Variants in SCN3A observed in about 807,000 individuals in gnomAD.
SCN3A encodes the protein sodium channel protein type 3 subunit alpha.
In SCN3A, 60 loss-of-function variants were observed where a neutral mutation model predicts 187.6. The ratio of observed to expected loss-of-function variants is 0.32; its 90% CI spans 0.26 to 0.40. The LOEUF is 0.40. Ranked by LOEUF, SCN3A falls within the 10% of genes least tolerant of loss-of-function variation. The probability of loss-of-function intolerance (pLI) is 1.00; values close to 1 mark genes in which losing one functional copy is unlikely to be tolerated. For synonymous variants in SCN3A, 788 were observed against 829.2 expected, an observed-to-expected ratio of 0.95 and a Z score of 0.85; for missense variants, 1,601 against 2,428.2, an observed-to-expected ratio of 0.66 and a Z score of 7.16.
chr2:165,172,033 C>A (rs62176177), intron 3 of SCN3A, among the ~76,000 whole-genome samples: 15,693 of 152,116 alleles, frequency 0.1, 934 homozygotes, highest in African/African-American at 0.13. Context: ...TTTATGTTCA[C>A]TGACAACATG....
intron 6 of SCN3A, 69 bp from the exon 7 acceptor site, chr2:165,163,778 T>G (rs563404693): frequency 1.2e-6 from 2 of 1,612,948 alleles, no homozygotes; most frequent in East Asian, 2.2e-5. Flanking sequence ...AGGGGCCTAC[T>G]ACCTTACACC....
intron 1 of SCN3A, among the ~76,000 whole-genome samples, chr2:165,188,959 G>A (rs964761017): frequency 6.6e-6 from 1 of 152,070 alleles, no homozygotes; most frequent in Non-Finnish European, 1.5e-5. Flanking sequence ...TTTTGTGCAA[G>A]CGATGCATGG....
chr2:165,194,376 G>A (rs1380820710), intron 1 of SCN3A, among the ~76,000 whole-genome samples: 1 of 152,126 alleles, frequency 6.6e-6, no homozygotes, highest in Non-Finnish European at 1.5e-5. Flanking sequence ...TCCCTTCTGA[G>A]AGAAACTTCT....
At chr2:165,174,282 C>T (rs893625905) in intron 3 of SCN3A, among the ~76,000 whole-genome samples, 2 of 150,388 alleles carry the variant, frequency 1.3e-5, no homozygotes, top group South Asian at 2.1e-4. Context: ...GTAATGAGCA[C>T]GTTCTTTTCT....
At chr2:165,115,725 T>G (rs2105718281) in intron 18 of SCN3A, 150 bp from the exon 19 acceptor site, 1 of 813,830 alleles carries the variant, frequency 1.2e-6, no homozygotes, top group East Asian at 2.6e-5. Flanking sequence ...TAATTTAACA[T>G]AAATCAAGTT....
chr2:165,199,870 A>C (rs1251077468), intron 1 of SCN3A, among the ~76,000 whole-genome samples: 1 of 152,098 alleles, frequency 6.6e-6, no homozygotes, highest in Non-Finnish European at 1.5e-5. Context: ...ATTAAAATAT[A>C]AACAAAGAAT....
At chr2:165,125,315 T>G (rs968058331) in intron 18 of SCN3A, among the ~76,000 whole-genome samples, 1 of 152,140 alleles carries the variant, frequency 6.6e-6, no homozygotes, top group African/African-American at 2.4e-5. Flanking sequence ...AAACTTTTTT[T>G]TTTTTTGAGA....
In SCN3A at chr2:165,130,232, T is replaced by A. The variant is rs547287080; in HGVS notation, c.2630A>T (p.Asn877Ile). ...GAGGTTTCCTAGAGCCCCCACAGAA[T>A]TGCCAATGATCTTAATTAGCATATT... ...TLNMLIKIIG[N>I]SVGALGNLTL... Residue 877 changes from asparagine (N) to isoleucine (I), a missense_variant, in exon 17 of 28, where the codon AAT becomes ATT. Physicochemically the swap from Asn to Ile is moderately radical, Grantham distance 149 (BLOSUM62 -3). Around this residue, in one of 11 missense-constraint regions of SCN3A, gnomAD observed 91 missense variants for 207.0 expected, o/e 0.44. Coordinates refer to ENST00000283254, the MANE Select transcript of SCN3A (RefSeq NM_006922.4). 6.2e-7 allele frequency: 1 copy of A among 1,614,188 alleles called. No homozygotes were observed. The highest frequency in any genetic ancestry group is 1.3e-5 in the African/African-American group (1 of 75,050).
In SCN3A at chr2:165,138,463, ATT is replaced by A. The variant is rs1336066879; in HGVS notation, c.2153-348_2153-347del. Among the ~76,000 whole-genome samples, 32 of 152,270 alleles carry A rather than the reference ATT, an allele frequency of 2.1e-4. No individual in the cohort carries two copies. In the East Asian group the frequency reaches 6.2e-3, roughly 29 times the overall value. ...ACAACTATTAAAATTTTAAATAATTATTGTTTCTTCTGAAAGTACCTTTTTAA... is the reference window on the plus strand; with the variant it reads ...ACAACTATTAAAATTTTAAATAATTAGTTTCTTCTGAAAGTACCTTTTTAA... On this transcript the variant is annotated intron_variant, in intron 14 of 27. Coordinates refer to ENST00000283254, the MANE Select transcript of SCN3A (RefSeq NM_006922.4).
intron 1 of SCN3A, among the ~76,000 whole-genome samples, chr2:165,192,905 C>G (rs895808341): frequency 1.3e-5 from 2 of 152,120 alleles, no homozygotes; most frequent in African/African-American, 4.8e-5. Context: ...ACAAATCTTG[C>G]AAACATTCTG....
intron 21 of SCN3A, among the ~76,000 whole-genome samples, chr2:165,105,774 G>A (rs534936551): frequency 6.6e-6 from 1 of 152,102 alleles, no homozygotes; most frequent in African/African-American, 2.4e-5. Flanking sequence ...TGAAGCAGGA[G>A]GGTTGCTTGA....
rs765919309 is a variant in SCN3A at position 165,090,379 on chromosome 2, C to T, written c.5774G>A (p.Ser1925Asn). The change falls in exon 28 of 28, where the codon AGT (serine) becomes AAT (asparagine). Residue 1925 changes from serine to asparagine, a missense_variant. Ser to Asn is a conservative substitution (Grantham distance 46). Transcript: ENST00000283254. The surrounding 1 kb of genome is among the most constrained non-coding windows in gnomAD (Gnocchi z 4.0). ...TTTAATTGCCTCTTTGTTATAGTTACTTGATATATTTTTTAACCTTTGCTT... is the reference window on the plus strand; with the variant it reads ...TTTAATTGCCTCTTTGTTATAGTTATTTGATATATTTTTTAACCTTTGCTT... ...LLKQRLKNIS[S>N]NYNKEAIKGR... is the part of the protein sequence containing the mutation. The T allele has an allele frequency of 1.2e-6, 2 of 1,612,930 alleles. No homozygotes were observed. Among genetic ancestry groups the T allele is most frequent in the Admixed American group, 3.3e-5 (2 of 59,932 alleles).
chr2:165,142,054 C>G (rs1424130642), intron 12 of SCN3A, among the ~76,000 whole-genome samples: 1 of 152,158 alleles, frequency 6.6e-6, no homozygotes, highest in African/African-American at 2.4e-5. Flanking sequence ...AAAAACATCT[C>G]TATTCAGTCT....
In SCN3A at chr2:165,089,906, T is replaced by C. The variant is rs13395432; in HGVS notation, c.*244A>G. Reference sequence around the variant, plus strand: ...CTATCCCTATAGTCTAGGTAGCCATTGGGTTTCTCCTCAGCAGTGTCAGCT... The same window carrying C: ...CTATCCCTATAGTCTAGGTAGCCATCGGGTTTCTCCTCAGCAGTGTCAGCT... On this transcript the variant is annotated 3_prime_UTR_variant, in exon 28 of 28. Transcript: ENST00000283254. 1.9e-6 allele frequency: 1 copy of C among 529,538 alleles called. No individual in the cohort carries two copies. The highest frequency in any genetic ancestry group is 2.2e-5 in the South Asian group (1 of 45,608). The allele number at this position is 529,538 out of a possible 1,614,324, so 32.8% of individuals were successfully genotyped here. A position where few individuals can be genotyped will look rare whatever the true frequency, so the allele number is the denominator to read the frequency against.
At position 165,092,894 on chromosome 2, in the gene SCN3A, TA is replaced by T. The variant is rs34824100; in HGVS notation, c.4537-371del. On this transcript the variant is annotated intron_variant, in intron 26 of 27. Transcript: ENST00000283254. This position sits in a 1 kb window ranked among gnomAD's most constrained non-coding sequence, Gnocchi z 4.2. ...CAACATAGTGAGACCTCATTTCTAT[TA>T]AAAAAAAATTAGCCTGGTATGGTGG... is the stretch of plus-strand genomic sequence containing the variant. 1.4e-4 allele frequency: 25 copies of T among 183,262 alleles called. No individual in the cohort carries two copies. Among genetic ancestry groups the T allele is most frequent in the South Asian group, 5.2e-4 (5 of 9,556 alleles). 11.4% of individuals were successfully genotyped at this position (183,262 alleles called of 1,614,324 possible). A position where few individuals can be genotyped will look rare whatever the true frequency, so the allele number is the denominator to read the frequency against.
At chr2:165,147,287 G>C (rs910587063) in intron 11 of SCN3A, among the ~76,000 whole-genome samples, 6 of 138,132 alleles carry the variant, frequency 4.3e-5, no homozygotes, top group Admixed American at 1.5e-4. Flanking sequence ...TTTTTTTGGG[G>C]GGGGGGGGTT....
chr2:165,087,910 G>A lies in SCN3A; in HGVS notation c.*2240C>T, dbSNP rs1399351439. The A allele has an allele frequency of 6.6e-6, 1 of 152,074 alleles. No individual in the cohort carries two copies. Among genetic ancestry groups the A allele is most frequent in the Non-Finnish European group, 1.5e-5 (1 of 67,966 alleles). The allele number at this position is 152,074 out of a possible 1,614,324, so 9.4% of individuals were successfully genotyped here. A position where few individuals can be genotyped will look rare whatever the true frequency, so the allele number is the denominator to read the frequency against. ...CTATTATTATCAAACCTGAAAGTTG[G>A]AACATGTGAACTTGATCCTTTGCAC... On this transcript the variant is annotated 3_prime_UTR_variant, in exon 28 of 28. Coordinates refer to ENST00000283254, the MANE Select transcript of SCN3A (RefSeq NM_006922.4).
chr2:165,136,561 G>A (rs1242541159), intron 15 of SCN3A, among the ~76,000 whole-genome samples: 1 of 152,090 alleles, frequency 6.6e-6, no homozygotes, highest in South Asian at 2.1e-4. Flanking sequence ...TTGTCCAGAG[G>A]CCATATCACT....
chr2:165,153,852 G>A lies in SCN3A; in HGVS notation c.1380+600C>T, dbSNP rs1017193118. On this transcript the variant is annotated intron_variant, in intron 11 of 27. Coordinates refer to ENST00000283254, the MANE Select transcript of SCN3A (RefSeq NM_006922.4). ...TCTTTTAATACAGTACTGTGTTTCC[G>A]TCTCTTCTCCTCAACACATTAATGT... is the stretch of plus-strand genomic sequence containing the variant. Among the ~76,000 whole-genome samples, 6 of 151,450 alleles carry A rather than the reference G, an allele frequency of 4.0e-5. No homozygotes were observed. In the East Asian group the frequency reaches 5.8e-4, roughly 15 times the overall value.
Sources: gnomAD v4.1 joint callset for allele counts (sites outside exome capture counted in the v4.1 genomes callset) on GRCh38, gnomAD v4.1.1 for gene constraint, gnomAD v4.1.1 regional missense constraint, Gnocchi (gnomAD v3.1) non-coding constraint, MANE v1.5 for transcripts, NCBI Gene and HGNC (gene_info 2026-07-23, HGNC 2026-07-21) for gene names.